Variants in KDM5B observed in about 807,000 individuals in gnomAD.
KDM5B encodes the protein lysine demethylase 5B.
Under a neutral mutation model 193.4 loss-of-function variants are expected in KDM5B, and 144 were observed. That is an observed-to-expected ratio of 0.74 (90% confidence interval 0.65 to 0.86). The LOEUF (loss-of-function observed/expected upper bound fraction) is 0.86. Among genes scored for constraint, KDM5B ranks in the 40% least tolerant of loss-of-function variants. The pLI, the probability that KDM5B is intolerant of heterozygous loss-of-function variation, is 0.00. For synonymous variants in KDM5B, 668 were observed against 682.6 expected (o/e 0.98, Z 0.33); for missense variants, 1,833 against 1,886.9 (o/e 0.97, Z 0.53).
chr1:202,805,399 A>G (rs181724680), intron 1 of KDM5B, among the ~76,000 whole-genome samples: 2 of 152,330 alleles, frequency 1.3e-5, no homozygotes, highest in Admixed American at 1.3e-4. Context: ...TTCAGAAGCC[A>G]AGCAGTTTGG....
At chr1:202,740,579 G>A (rs1013821209) in intron 20 of KDM5B, 95 bp downstream of exon 20, 22 of 1,225,066 alleles carry the variant, frequency 1.8e-5, no homozygotes, top group South Asian at 3.4e-5. Context: ...TGGCCGGGTC[G>A]GGGGCTGACC....
chr1:202,755,781 A>C (rs1046387952), intron 10 of KDM5B, among the ~76,000 whole-genome samples: 1 of 152,166 alleles, frequency 6.6e-6, no homozygotes, highest in Non-Finnish European at 1.5e-5. Flanking sequence ...CTGAGGGCAT[A>C]GTGCTCGTCC....
intron 1 of KDM5B, among the ~76,000 whole-genome samples, chr1:202,793,142 A>G (rs186371439): frequency 1.1e-4 from 17 of 152,260 alleles, no homozygotes; most frequent in African/African-American, 4.1e-4. Flanking sequence ...GCAACATCCA[A>G]TTTGTCCTTT....
chr1:202,793,941 T>C (rs1657739645), intron 1 of KDM5B, among the ~76,000 whole-genome samples: 2 of 152,200 alleles, frequency 1.3e-5, no homozygotes, highest in African/African-American at 4.8e-5. Flanking sequence ...CACAAATCCC[T>C]GAAGCCAGCC....
chr1:202,740,840 G>T, intron 19 of KDM5B, 28 bp from the exon 20 acceptor site: 1 of 1,580,148 alleles, frequency 6.3e-7, no homozygotes, highest in Non-Finnish European at 8.6e-7. Flanking sequence ...AGACTTCTTA[G>T]CATTTTATAT....
intron 26 of KDM5B, chr1:202,729,395 C>T (rs1048725320): frequency 3.3e-6 from 2 of 614,716 alleles, no homozygotes; most frequent in East Asian, 2.8e-5. Flanking sequence ...GGGGTTAAGA[C>T]AGCGCTGCCC....
intron 3 of KDM5B, among the ~76,000 whole-genome samples, 189 bp from the exon 4 acceptor site, chr1:202,773,477 A>G (rs1276695055): frequency 6.6e-6 from 1 of 152,200 alleles, no homozygotes; most frequent in African/African-American, 2.4e-5. Flanking sequence ...GAAATTTTCA[A>G]CATCTCTCTT....
chr1:202,776,302 T>C (rs1322330051), intron 2 of KDM5B: 2 of 152,134 alleles, frequency 1.3e-5, no homozygotes, highest in Non-Finnish European at 1.5e-5. Context: ...AGACAAAGAA[T>C]TAAACACTCA....
chr1:202,807,451 C>A (rs1658346079), intron 1 of KDM5B, among the ~76,000 whole-genome samples: 1 of 151,234 alleles, frequency 6.6e-6, no homozygotes. Flanking sequence ...CCAGCGCTGG[C>A]CGCCCCCTTC....
At chr1:202,740,452 G>T (rs1655282934) in intron 20 of KDM5B, among the ~76,000 whole-genome samples, 1 of 127,172 alleles carries the variant, frequency 7.9e-6, no homozygotes, top group Non-Finnish European at 1.8e-5. Flanking sequence ...TGGCCGGGCG[G>T]GGGGCTGACC....
intron 1 of KDM5B, among the ~76,000 whole-genome samples, chr1:202,786,061 A>G (rs1657398125): frequency 6.6e-6 from 1 of 151,844 alleles, no homozygotes; most frequent in South Asian, 2.1e-4. Flanking sequence ...GTGCAATGGC[A>G]TAAACTTGGC....
chr1:202,771,588 A>T (rs61290465), intron 4 of KDM5B, among the ~76,000 whole-genome samples: 11,833 of 140,704 alleles, frequency 0.084, 551 homozygotes, highest in African/African-American at 0.13. Flanking sequence ...TGTTTATTTT[A>T]TTTATTTTTT....
intron 3 of KDM5B, among the ~76,000 whole-genome samples, chr1:202,774,233 A>C (rs189008661): frequency 0.016 from 2,451 of 152,234 alleles, 64 homozygotes; most frequent in African/African-American, 0.056. Context: ...ACACATCTCA[A>C]AAAGTAAGTT....
chr1:202,743,336 CAAAAAAAAAAA>C (rs56202317), intron 16 of KDM5B, among the ~76,000 whole-genome samples: 9 of 79,440 alleles, frequency 1.1e-4, no homozygotes, highest in African/African-American at 4.4e-4. Context: ...GACCTTGTCT[CAAAAAAAAAAA>C]AAAAAAAAAA....
At chr1:202,792,312 G>C (rs1243282119) in intron 1 of KDM5B, among the ~76,000 whole-genome samples, 1 of 148,058 alleles carries the variant, frequency 6.8e-6, no homozygotes, top group African/African-American at 2.5e-5. Flanking sequence ...ACCTAAACCA[G>C]TGGGTCTCAA....
intron 5 of KDM5B, among the ~76,000 whole-genome samples, chr1:202,765,910 C>CAT (rs1253812532): frequency 6.6e-6 from 1 of 152,196 alleles, no homozygotes; most frequent in Non-Finnish European, 1.5e-5. Flanking sequence ...CCAAAACCTT[C>CAT]ATACCTCTGG....
chr1:202,798,165 C>T (rs1260424492), intron 1 of KDM5B, among the ~76,000 whole-genome samples: 1 of 152,186 alleles, frequency 6.6e-6, no homozygotes, highest in African/African-American at 2.4e-5. Flanking sequence ...CATCATGCTG[C>T]ACTCCAGCCT....
At position 202,735,430 on chromosome 1, in the gene KDM5B, G is replaced by A. The variant is rs754866752; in HGVS notation, c.3422C>T (p.Ala1141Val). 1.1e-4 allele frequency: 182 copies of A among 1,612,796 alleles called. No homozygotes were observed. The highest frequency in any genetic ancestry group is 1.5e-4 in the Non-Finnish European group (178 of 1,179,532). The change falls in exon 22 of 27, where the codon GCT (alanine) becomes GTT (valine). Residue 1141 changes from alanine (A) to valine (V), a missense_variant and splice_region_variant. This residue lies in a region of KDM5B where 1,379 missense variants were observed against 1,349.6 expected (regional missense o/e 1.02). Transcript: ENST00000367265. ...GGAGAAGAAAAAAACCCTACATACA[G>A]CTGAAGCAGTCTCCTTGCTTTCAGT... Reference protein sequence around the residue: ...ALTESKETASAMATLGEARLR... With the variant: ...ALTESKETASVMATLGEARLR...
chr1:202,746,160 G>A lies in KDM5B; in HGVS notation c.2180C>T (p.Pro727Leu), dbSNP rs144876400. 2.4e-4 allele frequency: 394 copies of A among 1,609,710 alleles called. No homozygotes were observed. Among genetic ancestry groups the A allele is most frequent in the Non-Finnish European group, 2.7e-4 (321 of 1,178,546 alleles). The change falls in exon 15 of 27, where the codon CCT becomes CTT. Residue 727 changes from proline (P) to leucine (L), a missense_variant. Physicochemically the swap from Pro to Leu is moderately conservative, Grantham distance 98. Transcript: ENST00000367265. The part of the protein sequence containing the change: ...HHVKELCSCP[P>L]YKYKLRYRYT... ...TACTTACCGCAATTTATATTTGTAA[G>A]GAGGACAGGAACACAATTCTTTTAC... is the stretch of plus-strand genomic sequence containing the variant.
Sources: gnomAD v4.1 joint callset for allele counts (sites outside exome capture counted in the v4.1 genomes callset) on GRCh38, gnomAD v4.1.1 for gene constraint, gnomAD v4.1.1 regional missense constraint, MANE v1.5 for transcripts, NCBI Gene and HGNC (gene_info 2026-07-23, HGNC 2026-07-21) for gene names.